SUFU: variants seen among roughly 807,000 people sequenced by gnomAD.
SUFU encodes SUFU negative regulator of hedgehog signaling, also known as suppressor of fused homolog.
In SUFU, 7 loss-of-function variants were observed where a neutral mutation model predicts 58.9. The observed-to-expected ratio is 0.12, with a 90% CI of 0.07 to 0.22. SUFU has a LOEUF of 0.22. Among genes scored for constraint, SUFU ranks in the 10% least tolerant of loss-of-function variants. SUFU has a pLI of 1.00. For missense variants in SUFU, 451 were observed against 641.3 expected (o/e 0.70, Z 3.20); for synonymous variants, 232 against 254.8 (o/e 0.91, Z 0.85).
rs1050281943 is a variant in SUFU at position 102,615,540 on chromosome 10, C to A, written c.1157+138C>A. The A allele has an allele frequency of 4.5e-6, 6 of 1,319,258 alleles. No individual in the cohort carries two copies. In the African/African-American group the frequency reaches 8.7e-5, roughly 19 times the overall value. The allele number at this position is 1,319,258 out of a possible 1,614,324, so 81.7% of individuals were successfully genotyped here. On this transcript the variant is annotated intron_variant, in intron 9 of 11. Transcript: ENST00000369902. ...CCAAGGAGCCACCAGGCCCGTGCTT[C>A]CCGTCTCCCTGTCTCCCTGATGAGG...
At position 102,593,998 on chromosome 10, in the gene SUFU, G is replaced by A; in HGVS notation, c.689G>A (p.Gly230Asp). 1 of 1,614,146 alleles carries A rather than the reference G, an allele frequency of 6.2e-7. No homozygotes were observed. Among genetic ancestry groups the A allele is most frequent in the Non-Finnish European group, 8.5e-7 (1 of 1,180,014 alleles). The stretch of plus-strand genomic sequence containing the variant: ...TCCCCTTTCCTTGTCCACAGTGCTG[G>A]CGGCCCCTGGCTGATAACTGACATG... Reference protein sequence around the residue: ...LELLRTVPIAGGPWLITDMRR... With the variant: ...LELLRTVPIADGPWLITDMRR... Residue 230 changes from glycine (G) to aspartate (D), a missense_variant, in exon 6 of 12, where the codon GGC (glycine) becomes GAC (aspartate). Transcript: ENST00000369902.
intron 3 of SUFU, among the ~76,000 whole-genome samples, chr10:102,554,949 A>G (rs559142877): frequency 2.0e-5 from 3 of 152,296 alleles, no homozygotes; most frequent in African/African-American, 7.2e-5. Flanking sequence ...ACCTGCAATC[A>G]TTATCATTAT....
chr10:102,625,749 C>T lies in SUFU; in HGVS notation c.1297-1426C>T, dbSNP rs2063780441. On this transcript the variant is annotated intron_variant, in intron 10 of 11. Transcript: ENST00000369902. This position sits in a 1 kb window ranked among gnomAD's most constrained non-coding sequence, Gnocchi z 4.7. ...CCGGTATGATGGCGGCTTTTCTGCT[C>T]ACTTGGGGGTAGTGTTCTTATTTCT... Among the ~76,000 whole-genome samples the T allele has an allele frequency of 6.6e-6, 1 of 152,162 alleles. No individual in the cohort carries two copies. Among genetic ancestry groups the T allele is most frequent in the African/African-American group, 2.4e-5 (1 of 41,430 alleles).
chr10:102,572,223 G>A (rs535377973), intron 3 of SUFU, among the ~76,000 whole-genome samples: 199 of 128,522 alleles, frequency 1.5e-3, no homozygotes, highest in African/African-American at 5.7e-3. Context: ...CGGCCACCAC[G>A]CCTGGATAAT....
At chr10:102,605,865 T>C (rs957651250) in intron 8 of SUFU, among the ~76,000 whole-genome samples, 1 of 152,230 alleles carries the variant, frequency 6.6e-6, no homozygotes, top group Non-Finnish European at 1.5e-5. Flanking sequence ...CCAAGCTTGA[T>C]GCCCTGGTTC....
At chr10:102,504,370 G>C (rs887885476) in intron 1 of SUFU, 36 bp downstream of exon 1, 12 of 1,612,448 alleles carry the variant, frequency 7.4e-6, no homozygotes, top group Non-Finnish European at 9.3e-6. Context: ...GACAGGCGCG[G>C]GCTGGAAAGG....
chr10:102,503,719 C>T (rs1260772861), upstream of SUFU, among the ~76,000 whole-genome samples: 5 of 152,370 alleles, frequency 3.3e-5, no homozygotes, highest in South Asian at 4.1e-4. Flanking sequence ...TGTTGGCGCA[C>T]TTCTCGCTGC....
chr10:102,549,859 G>A (rs1005695288), intron 2 of SUFU, 111 bp from the exon 3 acceptor site: 1 of 1,389,566 alleles, frequency 7.2e-7, no homozygotes, highest in African/African-American at 1.4e-5. Flanking sequence ...CCTCTGAATG[G>A]AGGATTTGGA....
chr10:102,590,916 A>C (rs1253187769), intron 3 of SUFU: 1 of 152,190 alleles, frequency 6.6e-6, no homozygotes, highest in Non-Finnish European at 1.5e-5. Flanking sequence ...AGTTGGCTCT[A>C]CCTGAAGCTG....
rs2063577432 is a variant in SUFU at position 102,607,804 on chromosome 10, GGGAGGCCGA to G, written c.1023-7461_1023-7453del. On this transcript the variant is annotated intron_variant, in intron 8 of 11. Transcript: ENST00000369902. The stretch of plus-strand genomic sequence containing the variant: ...TGCGTGCCTGTAGTCCCAGCTACTC[GGGAGGCCGA>G]GGCAGGAGAATCGCTTGAACCCAGG... Among the ~76,000 whole-genome samples, 6 of 152,050 alleles carry G rather than the reference GGGAGGCCGA, an allele frequency of 3.9e-5. No individual in the cohort carries two copies. The South Asian group carries it at 1.2e-3, about 32-fold the overall frequency.
At chr10:102,610,742 C>CTT (rs2063614750) in intron 8 of SUFU, among the ~76,000 whole-genome samples, 2 of 152,144 alleles carry the variant, frequency 1.3e-5, no homozygotes, top group African/African-American at 4.8e-5. Context: ...GGAAGGAATG[C>CTT]CAATATGATG....
chr10:102,552,780 T>A (rs958747442), intron 3 of SUFU, among the ~76,000 whole-genome samples: 8 of 152,142 alleles, frequency 5.3e-5, no homozygotes, highest in African/African-American at 1.9e-4. Flanking sequence ...CTCAAATGAT[T>A]TAACTTAATT....
intron 2 of SUFU, among the ~76,000 whole-genome samples, chr10:102,545,226 C>T (rs1199764725): frequency 6.6e-6 from 1 of 151,828 alleles, no homozygotes; most frequent in Non-Finnish European, 1.5e-5. Context: ...TTTCCCACTG[C>T]CTCAGCACCC....
intron 7 of SUFU, 48 bp downstream of exon 7, chr10:102,597,341 C>T (rs1250690777): frequency 3.1e-6 from 5 of 1,593,036 alleles, no homozygotes; most frequent in South Asian, 2.3e-5. Context: ...CTTCCTTTTC[C>T]CCAGGGCCTG....
Position 102,631,970 on chromosome 10 carries a change from C to T in SUFU, c.*1815C>T. 1 of 233,376 alleles carries T rather than the reference C, an allele frequency of 4.3e-6. No homozygotes were observed. The highest frequency in any genetic ancestry group is 8.5e-6 in the Non-Finnish European group (1 of 118,110). 14.5% of individuals were successfully genotyped at this position (233,376 alleles called of 1,614,324 possible). On this transcript the variant is annotated 3_prime_UTR_variant, in exon 12 of 12. Transcript: ENST00000369902. Reference sequence around the variant, plus strand: ...CAGAGGGAGCCCTACTGGCCTTCCCCCACCACAGCAGCCCTGCCTGTGAAG... The same window carrying T: ...CAGAGGGAGCCCTACTGGCCTTCCCTCACCACAGCAGCCCTGCCTGTGAAG...
intron 2 of SUFU, among the ~76,000 whole-genome samples, chr10:102,545,210 G>C (rs1008734487): frequency 6.6e-6 from 1 of 151,412 alleles, no homozygotes; most frequent in African/African-American, 2.4e-5. Flanking sequence ...CCTCGGCTCA[G>C]ATGATTTTCC....
At chr10:102,507,750 T>C (rs898571564) in intron 1 of SUFU, among the ~76,000 whole-genome samples, 2 of 152,214 alleles carry the variant, frequency 1.3e-5, no homozygotes, top group Non-Finnish European at 2.9e-5. Context: ...TAACATGTCT[T>C]TTATTTGGTT....
chr10:102,542,045 C>T (rs910097296), intron 2 of SUFU, among the ~76,000 whole-genome samples: 10 of 151,224 alleles, frequency 6.6e-5, no homozygotes, highest in African/African-American at 2.4e-4. Context: ...CCACCATGCC[C>T]GACTAATTTT....
chr10:102,526,993 GTTT>G (rs34862176), intron 2 of SUFU, among the ~76,000 whole-genome samples: 1 of 102,046 alleles, frequency 9.8e-6, no homozygotes. Flanking sequence ...TATTATTATT[GTTT>G]TTTTTTTTTT....
Sources: gnomAD v4.1 joint callset for allele counts (sites outside exome capture counted in the v4.1 genomes callset) on GRCh38, gnomAD v4.1.1 for gene constraint, Gnocchi (gnomAD v3.1) non-coding constraint, MANE v1.5 for transcripts, NCBI Gene and HGNC (gene_info 2026-07-23, HGNC 2026-07-21) for gene names.